Variants in CFAP99 observed in about 807,000 individuals in gnomAD.
CFAP99 encodes cilia and flagella associated protein 99, also known as cilia- and flagella-associated protein 99.
Under a neutral mutation model 82.7 loss-of-function variants are expected in CFAP99, and 84 were observed. That is an observed-to-expected ratio of 1.02 (90% CI 0.85 to 1.22). The LOEUF (loss-of-function observed/expected upper bound fraction) is 1.22, where lower values mean the gene tolerates loss of function less well. CFAP99 is among the 50% of genes most tolerant of loss of function. The pLI, the probability that CFAP99 is intolerant of heterozygous loss-of-function variation, is 0.00. For missense variants in CFAP99, 1,059 were observed against 983.5 expected (o/e 1.08, Z -1.03); for synonymous variants, 456 against 429.5 (o/e 1.06, Z -0.76).
In CFAP99 at chr4:2,446,517, C is replaced by G. The variant is rs375175028; in HGVS notation, c.642+1209C>G. 6.6e-6 allele frequency among the ~76,000 whole-genome samples: 1 copy of G among 152,110 alleles called. No individual in the cohort carries two copies. The highest frequency in any genetic ancestry group is 2.4e-5 in the African/African-American group (1 of 41,416). On this transcript the variant is annotated intron_variant, in intron 6 of 14. Transcript: ENST00000635017. The surrounding 1 kb of genome is among the most constrained non-coding windows in gnomAD (Gnocchi z 5.0). Reference sequence around the variant, plus strand: ...AAGTGATTCTCCTGCCTCAGCCCCCCGAGTAGCTGGGATTACAGGTACCGG... The same window carrying G: ...AAGTGATTCTCCTGCCTCAGCCCCCGGAGTAGCTGGGATTACAGGTACCGG...
rs1157055230 is a variant in CFAP99 at position 2,448,199 on chromosome 4, C to A, written c.643-1471C>A. Among the ~76,000 whole-genome samples, 1 of 152,184 alleles carries A rather than the reference C, an allele frequency of 6.6e-6. No individual in the cohort carries two copies. Among genetic ancestry groups the A allele is most frequent in the East Asian group, 1.9e-4 (1 of 5,198 alleles). Reference sequence around the variant, plus strand: ...CCCACAGTTGCCCCATCTGTATAATCTTCAGCATTTCTGACCCCATCTCCT... The same window carrying A: ...CCCACAGTTGCCCCATCTGTATAATATTCAGCATTTCTGACCCCATCTCCT... On this transcript the variant is annotated intron_variant, in intron 6 of 14. Transcript: ENST00000635017. The surrounding 1 kb of genome is among the most constrained non-coding windows in gnomAD (Gnocchi z 5.2).
In CFAP99 at chr4:2,459,937, T is replaced by C. The variant is rs1010666077; in HGVS notation, c.1456-100T>C. 4.8e-6 allele frequency: 5 copies of C among 1,049,756 alleles called. No homozygotes were observed. The African/African-American group carries it at 7.9e-5, about 17-fold the overall frequency. The allele number at this position is 1,049,756 out of a possible 1,614,324, so 65.0% of individuals were successfully genotyped here. A position where few individuals can be genotyped will look rare whatever the true frequency, so the allele number is the denominator to read the frequency against. On this transcript the variant is annotated intron_variant, in intron 13 of 14. Coordinates refer to ENST00000635017, the Ensembl canonical transcript of CFAP99. ...AAGCAGTGTTGAAGCAGAGGGAAGG[T>C]GGGCAAGGGGTGGGCCTATGGAACA... is the stretch of plus-strand genomic sequence containing the variant.
intron 8 of CFAP99, among the ~76,000 whole-genome samples, chr4:2,450,656 G>A (rs1343012037): frequency 6.6e-6 from 1 of 152,194 alleles, no homozygotes; most frequent in African/African-American, 2.4e-5. Context: ...CTGAGGAGAG[G>A]GCCACTGAGC....
At chr4:2,443,364 A>AATC in intron 5 of CFAP99, 122 bp downstream of exon 5, 1 of 667,472 alleles carries the variant, frequency 1.5e-6, no homozygotes, top group Middle Eastern at 2.4e-4. Context: ...GAGTGTCAGT[A>AATC]ATCACTCCGT....
chr4:2,419,355 C>T (rs1018748981), intron 1 of CFAP99, among the ~76,000 whole-genome samples: 1 of 152,100 alleles, frequency 6.6e-6, no homozygotes, highest in Non-Finnish European at 1.5e-5. Context: ...TCACCTCAAT[C>T]TGAGTACCTG....
rs553165312 is a variant in CFAP99 at position 2,459,452 on chromosome 4, C to T, written c.1455+194C>T. Among the ~76,000 whole-genome samples, 9 of 152,320 alleles carry T rather than the reference C, an allele frequency of 5.9e-5. No homozygotes were observed. The South Asian group carries it at 1.0e-3, about 18-fold the overall frequency. On this transcript the variant is annotated intron_variant, in intron 13 of 14. Transcript: ENST00000635017. ...CTGGCCCTAAGAGTTCACAAGCCTG[C>T]GGGCAAGGCACACACTTAGCCAGTC...
intron 11 of CFAP99, among the ~76,000 whole-genome samples, 167 bp downstream of exon 11, chr4:2,452,513 C>CT (rs925463117): frequency 6.6e-6 from 1 of 152,138 alleles, no homozygotes; most frequent in African/African-American, 2.4e-5. Flanking sequence ...GACACACTGC[C>CT]TAGGTGGGCA....
chr4:2,459,173 A>G, exon 13 of CFAP99: 2 of 1,535,614 alleles, frequency 1.3e-6, no homozygotes, highest in South Asian at 2.4e-5. Flanking sequence ...CAGGAGGAGC[A>G]GCGGCGCCGT....
intron 8 of CFAP99, chr4:2,450,260 T>G: frequency 1.8e-6 from 1 of 549,592 alleles, no homozygotes; most frequent in South Asian, 2.1e-5. Context: ...AGGTGCTGCC[T>G]CTGGGTATCT....
intron 5 of CFAP99, among the ~76,000 whole-genome samples, chr4:2,444,679 C>T (rs891543436): frequency 2.6e-5 from 4 of 152,220 alleles, no homozygotes; most frequent in African/African-American, 9.7e-5. Context: ...CCACCTGACT[C>T]CACAGCTCCA....
intron 6 of CFAP99, among the ~76,000 whole-genome samples, chr4:2,445,703 C>T (rs1734148171): frequency 6.6e-6 from 1 of 152,220 alleles, no homozygotes; most frequent in South Asian, 2.1e-4. Flanking sequence ...AGAGACTCTT[C>T]CTCTCTTTCT....
chr4:2,461,137 C>T lies in CFAP99; in HGVS notation c.1661+895C>T, dbSNP rs60539750. Among the ~76,000 whole-genome samples the T allele has an allele frequency of 6.7e-3, 1,023 of 152,286 alleles. 9 individuals are homozygous for T. Among genetic ancestry groups the T allele is most frequent in the African/African-American group, 0.02 (842 of 41,556 alleles). The stretch of plus-strand genomic sequence containing the variant: ...TTTGCATGCACACACATACAGATGC[C>T]TTTTTACTTGTTTGGGGGACAGTCT... On this transcript the variant is annotated intron_variant, in intron 14 of 14. Coordinates refer to ENST00000635017, the Ensembl canonical transcript of CFAP99.
chr4:2,462,696 G>C lies in CFAP99; in HGVS notation c.1915G>C (p.Gly639Arg). The C allele has an allele frequency of 8.0e-7, 1 of 1,256,032 alleles. No homozygotes were observed. Among genetic ancestry groups the C allele is most frequent in the Non-Finnish European group, 1.0e-6 (1 of 1,000,322 alleles). 77.8% of individuals were successfully genotyped at this position (1,256,032 alleles called of 1,614,324 possible). ...GCGGCGCGCAGGGACCGGCGTCCCGGGGCGGGGATGGCGGGGAGATCGGGT... is the reference window on the plus strand; with the variant it reads ...GCGGCGCGCAGGGACCGGCGTCCCGCGGCGGGGATGGCGGGGAGATCGGGT... Residue 639 changes from glycine (G) to arginine (R), a missense_variant, in exon 15 of 15, where the codon GGG becomes CGG. Coordinates refer to ENST00000635017, the Ensembl canonical transcript of CFAP99. This position sits in a 1 kb window ranked among gnomAD's most constrained non-coding sequence, Gnocchi z 4.1.
At chr4:2,421,600 T>G (rs566907015) in intron 1 of CFAP99, among the ~76,000 whole-genome samples, 1 of 152,212 alleles carries the variant, frequency 6.6e-6, no homozygotes, top group African/African-American at 2.4e-5. Flanking sequence ...CTGCCCGCCT[T>G]GGCTTCCCAA....
At chr4:2,450,865 G>A (rs1734283317) in intron 8 of CFAP99, 82 bp from the exon 9 acceptor site, 1 of 1,219,530 alleles carries the variant, frequency 8.2e-7, no homozygotes, top group African/African-American at 1.5e-5. Flanking sequence ...CAGGGTGCTG[G>A]GCCAGCATCC....
At chr4:2,422,754 C>T (rs562051646) in intron 1 of CFAP99, among the ~76,000 whole-genome samples, 13 of 152,292 alleles carry the variant, frequency 8.5e-5, no homozygotes, top group Admixed American at 5.9e-4. Flanking sequence ...CACAACGTGA[C>T]GTGGAGGCAG....
chr4:2,451,283 A>G (rs1485967193), exon 10 of CFAP99: 1 of 1,536,080 alleles, frequency 6.5e-7, no homozygotes, highest in Admixed American at 2.0e-5. Flanking sequence ...ATCCTGGTCA[A>G]GCTGAACACC....
intron 2 of CFAP99, among the ~76,000 whole-genome samples, chr4:2,432,014 A>G (rs1275238374): frequency 2.0e-5 from 3 of 152,268 alleles, no homozygotes; most frequent in African/African-American, 7.2e-5. Context: ...AACAAAATCC[A>G]TAAAAGCAGT....
intron 2 of CFAP99, among the ~76,000 whole-genome samples, chr4:2,434,095 C>A (rs1015841701): frequency 2.0e-5 from 3 of 152,196 alleles, no homozygotes; most frequent in Admixed American, 6.5e-5. Flanking sequence ...GAGTAAGGAA[C>A]CACGTTTACT....
Sources: allele counts gnomAD v4.1 joint callset (sites outside exome capture counted in the v4.1 genomes callset), GRCh38; gene constraint gnomAD v4.1.1; non-coding constraint Gnocchi (gnomAD v3.1); transcripts MANE v1.5; gene names NCBI Gene and HGNC (gene_info 2026-07-23, HGNC 2026-07-21).